Variants in SLC4A4 observed in about 807,000 individuals in gnomAD.
SLC4A4 encodes the protein solute carrier family 4 member 4.
In SLC4A4, 27 loss-of-function variants were observed where a neutral mutation model predicts 111.5. The observed-to-expected ratio is 0.24, with a 90% CI of 0.18 to 0.33. The LOEUF (loss-of-function observed/expected upper bound fraction) is 0.33, where lower values mean the gene tolerates loss of function less well. Ranked by LOEUF, SLC4A4 falls within the 10% of genes least tolerant of loss-of-function variation. The pLI is 1.00. For synonymous variants in SLC4A4, 443 were observed against 463.4 expected, an observed-to-expected ratio of 0.96 and a Z score of 0.57; for missense variants, 909 against 1,315.5, an observed-to-expected ratio of 0.69 and a Z score of 4.78.
intron 1 of SLC4A4, among the ~76,000 whole-genome samples, chr4:71,207,704 C>T (rs958917264): frequency 1.3e-5 from 2 of 152,172 alleles, no homozygotes; most frequent in Admixed American, 1.3e-4. Context: ...ATTTGTATTT[C>T]TAAGAACTGC....
At chr4:71,154,340 G>A (rs1372188903) in intron 2 of SLC4A4, among the ~76,000 whole-genome samples, 2 of 152,196 alleles carry the variant, frequency 1.3e-5, no homozygotes, top group Non-Finnish European at 2.9e-5. Flanking sequence ...AAGGAACTTG[G>A]TCACAGGATT....
intron 3 of SLC4A4, among the ~76,000 whole-genome samples, chr4:71,312,664 A>C (rs935987594): frequency 4.6e-5 from 7 of 152,238 alleles, no homozygotes; most frequent in African/African-American, 1.7e-4. Context: ...AGAACCAATG[A>C]CAAAAACCAC....
chr4:71,430,616 T>C (rs188038487), intron 7 of SLC4A4, among the ~76,000 whole-genome samples: 10 of 152,252 alleles, frequency 6.6e-5, no homozygotes, highest in Admixed American at 3.3e-4. Context: ...CTGGGAAGAA[T>C]TCTTGGTGAG....
intron 6 of SLC4A4, among the ~76,000 whole-genome samples, chr4:71,377,649 T>C (rs1445953427): frequency 6.6e-6 from 1 of 152,086 alleles, no homozygotes; most frequent in African/African-American, 2.4e-5. Flanking sequence ...TCTTCAGGGG[T>C]CTCTGCTCAT....
intron 2 of SLC4A4, among the ~76,000 whole-genome samples, chr4:71,172,487 C>A (rs1744973066): frequency 6.6e-6 from 1 of 152,176 alleles, no homozygotes; most frequent in African/African-American, 2.4e-5. Context: ...ATCTCTTGAC[C>A]TTGTGATCTG....
chr4:71,313,441 A>T (rs1418389217), intron 3 of SLC4A4, among the ~76,000 whole-genome samples: 2 of 152,192 alleles, frequency 1.3e-5, no homozygotes, highest in Non-Finnish European at 2.9e-5. Context: ...TAAATTCCAT[A>T]TGGAACCAAA....
chr4:71,397,179 G>A (rs1691688246), intron 6 of SLC4A4, among the ~76,000 whole-genome samples: 1 of 152,192 alleles, frequency 6.6e-6, no homozygotes, highest in Non-Finnish European at 1.5e-5. Flanking sequence ...CTCTGCTGAA[G>A]ATGAGGAAAC....
intron 2 of SLC4A4, among the ~76,000 whole-genome samples, chr4:71,154,380 TAG>T (rs1744402705): frequency 6.6e-6 from 1 of 151,966 alleles, no homozygotes; most frequent in Admixed American, 6.6e-5. Flanking sequence ...TGGAAGAAAG[TAG>T]AGAGTTGGGG....
chr4:71,322,054 C>G (rs1178100464), intron 3 of SLC4A4, among the ~76,000 whole-genome samples: 6 of 151,942 alleles, frequency 3.9e-5, no homozygotes, highest in African/African-American at 1.2e-4. Flanking sequence ...AGAAGAAAAC[C>G]TTATTGTAGA....
At chr4:71,251,442 T>G (rs1465840750) in intron 2 of SLC4A4, among the ~76,000 whole-genome samples, 1 of 152,218 alleles carries the variant, frequency 6.6e-6, no homozygotes, top group East Asian at 1.9e-4. Context: ...AGTGATCATT[T>G]CTGACATTCA....
intron 20 of SLC4A4, among the ~76,000 whole-genome samples, chr4:71,554,195 T>C (rs1736275119): frequency 6.6e-6 from 1 of 151,900 alleles, no homozygotes; most frequent in Non-Finnish European, 1.5e-5. Flanking sequence ...CATACTATGT[T>C]TTCTGGTTAC....
At chr4:71,440,440 G>T (rs528676322) in intron 7 of SLC4A4, among the ~76,000 whole-genome samples, 176 bp from the exon 8 acceptor site, 9 of 152,228 alleles carry the variant, frequency 5.9e-5, no homozygotes, top group Non-Finnish European at 1.2e-4. Context: ...ATAATATAAT[G>T]TTTAAACATA....
At chr4:71,271,215 C>T (rs910538804) in intron 3 of SLC4A4, among the ~76,000 whole-genome samples, 1 of 152,180 alleles carries the variant, frequency 6.6e-6, no homozygotes, top group Non-Finnish European at 1.5e-5. Context: ...TACTTGTATA[C>T]ATAAATGATT....
chr4:71,529,766 T>G (rs1215353581), intron 16 of SLC4A4, among the ~76,000 whole-genome samples: 1 of 152,162 alleles, frequency 6.6e-6, no homozygotes. Flanking sequence ...TTTAAATAAC[T>G]ATTTCTCTTC....
intron 3 of SLC4A4, among the ~76,000 whole-genome samples, chr4:71,288,683 A>G (rs1158407482): frequency 6.6e-6 from 1 of 152,028 alleles, no homozygotes; most frequent in African/African-American, 2.4e-5. Context: ...ACAGGCATGA[A>G]CCACTGTGCC....
At chr4:71,551,941 G>T (rs570686306) in intron 20 of SLC4A4, among the ~76,000 whole-genome samples, 11 of 151,922 alleles carry the variant, frequency 7.2e-5, no homozygotes, top group African/African-American at 2.7e-4. Flanking sequence ...CTGCTGAAAG[G>T]GCAATATAGT....
intron 3 of SLC4A4, among the ~76,000 whole-genome samples, chr4:71,320,854 A>T (rs964604333): frequency 3.3e-5 from 5 of 152,058 alleles, no homozygotes; most frequent in African/African-American, 1.2e-4. Flanking sequence ...AAGTGACTAA[A>T]TACTTTCTCT....
intron 7 of SLC4A4, among the ~76,000 whole-genome samples, chr4:71,421,456 G>C (rs950025265): frequency 2.0e-5 from 3 of 152,092 alleles, no homozygotes; most frequent in Non-Finnish European, 4.4e-5. Context: ...GGATATCCAG[G>C]AATTGAATTC....
intron 2 of SLC4A4, among the ~76,000 whole-genome samples, chr4:71,113,706 A>G (rs1743159456): frequency 6.6e-6 from 1 of 152,180 alleles, no homozygotes; most frequent in African/African-American, 2.4e-5. Flanking sequence ...TCACCGGGTT[A>G]GGGGTCTAGT....
Sources: allele counts gnomAD v4.1 joint callset (sites outside exome capture counted in the v4.1 genomes callset), GRCh38; gene constraint gnomAD v4.1.1; transcripts MANE v1.5; gene names NCBI Gene and HGNC (gene_info 2026-07-23, HGNC 2026-07-21).